Variants in RMDN2 observed in about 807,000 individuals in gnomAD.
RMDN2 encodes the protein regulator of microtubule dynamics 2, also known as regulator of microtubule dynamics protein 2.
A neutral mutation model predicts 52.8 loss-of-function variants in RMDN2; 61 were observed. The ratio of observed to expected loss-of-function variants is 1.16; its 90% CI spans 0.94 to 1.43. RMDN2 has a LOEUF of 1.43. Ranked by LOEUF, RMDN2 falls within the 40% of genes most tolerant of loss-of-function variation. The pLI, the probability that RMDN2 is intolerant of heterozygous loss-of-function variation, is 0.00. For missense variants in RMDN2, 592 were observed against 475.3 expected, an observed-to-expected ratio of 1.25 and a Z score of -2.28; for synonymous variants, 180 against 153.1, an observed-to-expected ratio of 1.18 and a Z score of -1.30.
intron 6 of RMDN2, among the ~76,000 whole-genome samples, chr2:37,990,679 G>A (rs568806979): frequency 9.9e-4 from 150 of 152,174 alleles, no homozygotes; most frequent in African/African-American, 3.4e-3. Context: ...GACAAATAAA[G>A]TAAGTAATAC....
At chr2:37,940,503 T>C (rs1451638216) in intron 2 of RMDN2, among the ~76,000 whole-genome samples, 4 of 152,238 alleles carry the variant, frequency 2.6e-5, no homozygotes, top group African/African-American at 4.8e-5. Context: ...ATTCTCGCTG[T>C]CACTTTCAGG....
chr2:37,926,474 T>C (rs1666286599), intron 1 of RMDN2, among the ~76,000 whole-genome samples: 1 of 152,250 alleles, frequency 6.6e-6, no homozygotes, highest in African/African-American at 2.4e-5. Context: ...ATAATCTATA[T>C]TAAAATGTCA....
intron 10 of RMDN2, among the ~76,000 whole-genome samples, chr2:38,045,174 G>C (rs998017849): frequency 1.3e-5 from 2 of 152,140 alleles, no homozygotes; most frequent in Non-Finnish European, 2.9e-5. Flanking sequence ...AATTTAAATA[G>C]TATTTTGGCT....
At chr2:38,041,470 C>A (rs1265120865) in intron 10 of RMDN2, among the ~76,000 whole-genome samples, 2 of 127,892 alleles carry the variant, frequency 1.6e-5, no homozygotes, top group Non-Finnish European at 3.1e-5. Context: ...GCAGGACTTC[C>A]AATATGATGT....
chr2:37,965,492 A>C (rs1219483090), intron 2 of RMDN2, among the ~76,000 whole-genome samples: 1 of 152,064 alleles, frequency 6.6e-6, no homozygotes, highest in Non-Finnish European at 1.5e-5. Context: ...ACATACAAAA[A>C]TTCTACTCCT....
chr2:38,066,098 C>A (rs1441165193), intron 10 of RMDN2, among the ~76,000 whole-genome samples: 1 of 152,206 alleles, frequency 6.6e-6, no homozygotes, highest in Non-Finnish European at 1.5e-5. Context: ...CAGGGAAAAT[C>A]TGGATGAGAA....
chr2:37,970,642 C>G (rs138063782), intron 2 of RMDN2, among the ~76,000 whole-genome samples: 1 of 152,056 alleles, frequency 6.6e-6, no homozygotes, highest in Non-Finnish European at 1.5e-5. Context: ...CACAATAAAA[C>G]TATTCTATGT....
intron 10 of RMDN2, among the ~76,000 whole-genome samples, chr2:38,013,927 C>G (rs1451003073): frequency 1.3e-5 from 2 of 152,182 alleles, no homozygotes; most frequent in African/African-American, 4.8e-5. Flanking sequence ...AATAAGGCAG[C>G]CGGGCGTCGT....
At chr2:38,051,019 T>G (rs1162490753) in intron 10 of RMDN2, among the ~76,000 whole-genome samples, 1 of 151,944 alleles carries the variant, frequency 6.6e-6, no homozygotes, top group Non-Finnish European at 1.5e-5. Flanking sequence ...CATCTCAGAG[T>G]TGTGAAGAAG....
At chr2:38,046,991 A>T (rs959033482) in intron 10 of RMDN2, among the ~76,000 whole-genome samples, 1 of 152,154 alleles carries the variant, frequency 6.6e-6, no homozygotes, top group African/African-American at 2.4e-5. Flanking sequence ...TTGAAAAAAA[A>T]CAAAAAAGAG....
At chr2:37,979,593 A>C (rs1673033835) in intron 4 of RMDN2, among the ~76,000 whole-genome samples, 1 of 152,260 alleles carries the variant, frequency 6.6e-6, no homozygotes, top group South Asian at 2.1e-4. Flanking sequence ...GTATTATGAT[A>C]TGAATCTTTA....
At chr2:38,018,898 G>T (rs750167530), downstream of RMDN2, among the ~76,000 whole-genome samples, 1 of 151,972 alleles carries the variant, frequency 6.6e-6, no homozygotes, top group Non-Finnish European at 1.5e-5. Flanking sequence ...ACGCACACAC[G>T]CACACACACA....
chr2:37,989,749 GCT>G, intron 6 of RMDN2, 133 bp downstream of exon 6: 1 of 555,518 alleles, frequency 1.8e-6, no homozygotes, highest in Middle Eastern at 4.9e-4. Flanking sequence ...AACAGATTAA[GCT>G]CTGGGAATTT....
At chr2:37,929,111 AT>A (rs1290657428) in intron 1 of RMDN2, among the ~76,000 whole-genome samples, 150 bp from the exon 2 acceptor site, 2 of 152,074 alleles carry the variant, frequency 1.3e-5, no homozygotes, top group African/African-American at 2.4e-5. Flanking sequence ...GTATACTTCC[AT>A]TTGTCCTTTC....
chr2:38,066,855 A>G, intron 10 of RMDN2: 2 of 743,276 alleles, frequency 2.7e-6, no homozygotes, highest in Non-Finnish European at 4.7e-6. Context: ...CATCTGGAAA[A>G]CTAGTGAGTA....
chr2:38,040,045 C>CATCATT (rs1553388013), intron 10 of RMDN2, among the ~76,000 whole-genome samples: 1 of 141,686 alleles, frequency 7.1e-6, no homozygotes, highest in South Asian at 2.3e-4. Context: ...TGTCTAGATT[C>CATCATT]ATTATTATTA....
At chr2:37,951,190 C>T in intron 2 of RMDN2, 1 of 1,512,144 alleles carries the variant, frequency 6.6e-7, no homozygotes, top group Non-Finnish European at 8.8e-7. Context: ...CTCCACTCTG[C>T]TCCCTATTTT....
chr2:38,028,589 G>C (rs889202788), intron 10 of RMDN2, among the ~76,000 whole-genome samples: 34 of 152,126 alleles, frequency 2.2e-4, no homozygotes, highest in African/African-American at 8.2e-4. Context: ...CCCAGGGTGA[G>C]CCCTCCAAGA....
At chr2:38,035,662 G>A (rs1276387105) in intron 10 of RMDN2, among the ~76,000 whole-genome samples, 2 of 152,206 alleles carry the variant, frequency 1.3e-5, no homozygotes, top group African/African-American at 2.4e-5. Flanking sequence ...TGTAAAATGA[G>A]TTATTCAATA....
Sources: gnomAD v4.1 joint callset for allele counts (sites outside exome capture counted in the v4.1 genomes callset) on GRCh38, gnomAD v4.1.1 for gene constraint, MANE v1.5 for transcripts, NCBI Gene and HGNC (gene_info 2026-07-23, HGNC 2026-07-21) for gene names.